LRRTM4: variants seen among roughly 807,000 people sequenced by gnomAD.
LRRTM4 encodes the protein leucine rich repeat transmembrane neuronal 4.
LRRTM4 carries 25 observed loss-of-function variants against 47.6 expected under a neutral mutation model. The ratio of observed to expected loss-of-function variants is 0.53; its 90% CI spans 0.38 to 0.73. The LOEUF (loss-of-function observed/expected upper bound fraction) is 0.73, where lower values mean the gene tolerates loss of function less well. Ranked by LOEUF, LRRTM4 falls within the 30% of genes least tolerant of loss-of-function variation. LRRTM4 has a pLI of 0.00. For missense variants in LRRTM4, 638 were observed against 713.4 expected, an observed-to-expected ratio of 0.89 and a Z score of 1.20; for synonymous variants, 311 against 269.5, an observed-to-expected ratio of 1.15 and a Z score of -1.51.
chr2:77,393,336 T>C (rs1455148886), intron 3 of LRRTM4, among the ~76,000 whole-genome samples: 3 of 151,996 alleles, frequency 2.0e-5, no homozygotes, highest in Non-Finnish European at 4.4e-5. Flanking sequence ...ATTGCAGTCC[T>C]ATTCGACAAC....
intron 3 of LRRTM4, among the ~76,000 whole-genome samples, chr2:76,793,551 T>C (rs1055793067): frequency 1.3e-5 from 2 of 152,156 alleles, no homozygotes; most frequent in Admixed American, 6.5e-5. Flanking sequence ...TATTTTTATA[T>C]GAGAAGCCCC....
intron 3 of LRRTM4, among the ~76,000 whole-genome samples, chr2:76,852,368 A>C (rs1041238579): frequency 4.6e-5 from 7 of 152,120 alleles, no homozygotes; most frequent in Non-Finnish European, 1.0e-4. Flanking sequence ...TTCCTCCTAG[A>C]CATTCTGTAA....
intron 3 of LRRTM4, among the ~76,000 whole-genome samples, chr2:77,201,327 A>T (rs1673968452): frequency 6.6e-6 from 1 of 152,118 alleles, no homozygotes; most frequent in African/African-American, 2.4e-5. Flanking sequence ...AAGAAAAGCA[A>T]ACTGTTATAT....
chr2:77,443,526 G>C (rs1675928072), intron 3 of LRRTM4, among the ~76,000 whole-genome samples: 1 of 152,020 alleles, frequency 6.6e-6, no homozygotes. Flanking sequence ...ACATATACTT[G>C]AGCTTTAATA....
chr2:77,165,412 A>G (rs1672852840), intron 3 of LRRTM4, among the ~76,000 whole-genome samples: 1 of 152,204 alleles, frequency 6.6e-6, no homozygotes, highest in Non-Finnish European at 1.5e-5. Flanking sequence ...ACTCCTTCTG[A>G]AACTATTCCA....
chr2:77,159,483 G>A (rs1381047364), intron 3 of LRRTM4, among the ~76,000 whole-genome samples: 1 of 148,524 alleles, frequency 6.7e-6, no homozygotes, highest in Non-Finnish European at 1.5e-5. Flanking sequence ...TAACAAACCT[G>A]CATGTTGTGC....
chr2:77,319,302 G>A (rs1677719345), intron 3 of LRRTM4, among the ~76,000 whole-genome samples: 1 of 151,888 alleles, frequency 6.6e-6, no homozygotes, highest in South Asian at 2.1e-4. Context: ...CAGGAGAATC[G>A]CTTGAACCCT....
chr2:77,261,147 A>C (rs1388312156), intron 3 of LRRTM4, among the ~76,000 whole-genome samples: 1 of 151,848 alleles, frequency 6.6e-6, no homozygotes, highest in Admixed American at 6.6e-5. Context: ...AGTTCAGAAA[A>C]ACAGAGTTCT....
intron 3 of LRRTM4, among the ~76,000 whole-genome samples, chr2:77,267,118 A>G (rs1304894568): frequency 2.0e-5 from 3 of 152,178 alleles, no homozygotes; most frequent in Admixed American, 1.3e-4. Flanking sequence ...TTAGTGCCTC[A>G]TTTATTATCT....
intron 3 of LRRTM4, among the ~76,000 whole-genome samples, chr2:76,831,239 T>C (rs1671343374): frequency 6.6e-6 from 1 of 152,146 alleles, no homozygotes; most frequent in Admixed American, 6.6e-5. Flanking sequence ...GACACAAACA[T>C]GTATAGTGAA....
intron 3 of LRRTM4, among the ~76,000 whole-genome samples, chr2:77,463,565 CA>C (rs1258530632): frequency 1.3e-5 from 2 of 151,998 alleles, no homozygotes; most frequent in Non-Finnish European, 2.9e-5. Flanking sequence ...AATTATCCTC[CA>C]AAAAACCCAC....
intron 3 of LRRTM4, among the ~76,000 whole-genome samples, chr2:77,033,557 A>T (rs944797131): frequency 3.3e-5 from 5 of 151,894 alleles, no homozygotes; most frequent in African/African-American, 7.2e-5. Context: ...GATATTTCTA[A>T]AACAGTATTT....
Position 77,519,355 on chromosome 2 carries a change from C to T in LRRTM4, c.514G>A (p.Val172Met). The T allele has an allele frequency of 6.2e-7, 1 of 1,613,386 alleles. No individual in the cohort carries two copies. Among genetic ancestry groups the T allele is most frequent in the South Asian group, 1.1e-5 (1 of 91,078 alleles). Residue 172 changes from valine to methionine, a missense_variant, in exon 3 of 4, where the codon GTG (valine) becomes ATG (methionine). Val to Met is a conservative substitution (Grantham distance 21). Transcript: ENST00000409884. This position sits in a 1 kb window ranked among gnomAD's most constrained non-coding sequence, Gnocchi z 4.6. The stretch of plus-strand genomic sequence containing the variant: ...CAGTCTTGAAAAACTCTTATGGGCA[C>T]AGTCTTTAGTGAGTTAGATCTCAAG... ...LHLRSNSLKTVPIRVFQDCRN... is the reference protein window; with the variant it reads ...LHLRSNSLKTMPIRVFQDCRN...
intron 3 of LRRTM4, among the ~76,000 whole-genome samples, chr2:77,429,597 G>A (rs191469211): frequency 1.5e-3 from 223 of 152,140 alleles, no homozygotes; most frequent in Admixed American, 2.8e-3. Flanking sequence ...AAATAAGCCA[G>A]GCACAGAAAG....
At chr2:76,838,109 T>G (rs1671569914) in intron 3 of LRRTM4, among the ~76,000 whole-genome samples, 1 of 129,236 alleles carries the variant, frequency 7.7e-6, no homozygotes, top group South Asian at 2.6e-4. Context: ...AATAAAAGAA[T>G]GGAAGAAGAA....
chr2:77,391,155 TCTA>T (rs969171555), intron 3 of LRRTM4, among the ~76,000 whole-genome samples: 5 of 152,036 alleles, frequency 3.3e-5, no homozygotes, highest in African/African-American at 1.2e-4. Context: ...TCTTATGAAA[TCTA>T]CTGCTTGAAT....
chr2:76,905,970 C>T (rs1431036171), intron 3 of LRRTM4, among the ~76,000 whole-genome samples: 1 of 152,178 alleles, frequency 6.6e-6, no homozygotes. Context: ...GGCAGGCCAA[C>T]ATTCAGATTC....
intron 3 of LRRTM4, among the ~76,000 whole-genome samples, chr2:76,982,943 C>CT (rs962354726): frequency 6.6e-6 from 1 of 151,242 alleles, no homozygotes; most frequent in East Asian, 1.9e-4. Flanking sequence ...TTTTAAACTT[C>CT]TTTTTTGTTT....
intron 3 of LRRTM4, among the ~76,000 whole-genome samples, chr2:76,971,686 C>CATTTA (rs1461263027): frequency 2.6e-5 from 4 of 151,960 alleles, no homozygotes; most frequent in African/African-American, 4.8e-5. Flanking sequence ...ACTTAAGAGT[C>CATTTA]AGCATTTAAC....
Sources: allele counts gnomAD v4.1 joint callset (sites outside exome capture counted in the v4.1 genomes callset), GRCh38; gene constraint gnomAD v4.1.1; non-coding constraint Gnocchi (gnomAD v3.1); transcripts MANE v1.5; gene names NCBI Gene and HGNC (gene_info 2026-07-23, HGNC 2026-07-21).